Variants in SLC38A6 observed in about 807,000 individuals in gnomAD.
The protein encoded by SLC38A6 is N system amino acid transporter NAT-1.
A neutral mutation model predicts 65.0 loss-of-function variants in SLC38A6; 73 were observed. The observed-to-expected ratio is 1.12, with a 90% CI of 0.93 to 1.37. The LOEUF (loss-of-function observed/expected upper bound fraction) is 1.37, where lower values mean the gene tolerates loss of function less well. Ranked by LOEUF, SLC38A6 falls within the 40% of genes most tolerant of loss-of-function variation. The probability of loss-of-function intolerance (pLI) is 0.00; values close to 1 mark genes in which losing one functional copy is unlikely to be tolerated. For synonymous variants in SLC38A6, 183 were observed against 178.8 expected (o/e 1.02, Z -0.19); for missense variants, 561 against 531.1 (o/e 1.06, Z -0.55).
chr14:61,063,558 C>A (rs561227647), intron 15 of SLC38A6, among the ~76,000 whole-genome samples: 3 of 152,182 alleles, frequency 2.0e-5, no homozygotes. Flanking sequence ...AAATGTAATC[C>A]TACCCCAGTA....
At chr14:60,995,932 A>G (rs895469881) in intron 3 of SLC38A6, among the ~76,000 whole-genome samples, 9 of 152,218 alleles carry the variant, frequency 5.9e-5, no homozygotes, top group African/African-American at 1.4e-4. Context: ...ATGAATCTGT[A>G]TGATACTATA....
rs1349497934 is a variant in SLC38A6, at chr14:60,981,348, C to T, written c.71C>T (p.Ala24Val). The change falls in exon 1 of 16, where the codon GCG becomes GTG. Residue 24 changes from alanine to valine, a missense_variant. Ala to Val is a moderately conservative substitution (Grantham distance 64). Transcript: ENST00000267488. The part of the protein sequence containing the change: ...WYVSVQQPEE[A>V]EAEELSPLLS... ...GTCTCTGTCCAGCAGCCTGAAGAAGCGGAGGCCGAAGAGTTGAGTCCGTTG... is the reference window on the plus strand; with the variant it reads ...GTCTCTGTCCAGCAGCCTGAAGAAGTGGAGGCCGAAGAGTTGAGTCCGTTG... 1.9e-6 allele frequency: 3 copies of T among 1,609,604 alleles called. No homozygotes were observed. The highest frequency in any genetic ancestry group is 2.2e-5 in the South Asian group (2 of 89,850).
rs865869457 is a variant in SLC38A6, at chr14:61,069,318, A to G, written c.1291-9492A>G. Among the ~76,000 whole-genome samples the G allele has an allele frequency of 2.6e-5, 4 of 151,996 alleles. No homozygotes were observed. In the East Asian group the frequency reaches 5.8e-4, roughly 22 times the overall value. On this transcript the variant is annotated intron_variant, in intron 15 of 16. Transcript: ENST00000354886. ...GCTCAAGAACCTATAATGGCTCACT[A>G]CTACCCCCATTAATCCCAGATAATG...
At chr14:61,014,316 G>A (rs1488713846) in intron 3 of SLC38A6, among the ~76,000 whole-genome samples, 1 of 151,930 alleles carries the variant, frequency 6.6e-6, no homozygotes, top group East Asian at 1.9e-4. Flanking sequence ...TAACTTCTTT[G>A]CCATGGGTTC....
chr14:61,030,589 A>C, intron 6 of SLC38A6, 66 bp downstream of exon 6: 1 of 1,104,234 alleles, frequency 9.1e-7, no homozygotes, highest in Non-Finnish European at 1.3e-6. Context: ...ATTAAGCTGT[A>C]AATGGCAATA....
At chr14:61,055,106 C>T (rs12878149), downstream of SLC38A6, among the ~76,000 whole-genome samples, 683 of 63,214 alleles carry the variant, frequency 0.011, no homozygotes, top group Middle Eastern at 0.032. Context: ...AAGTCTTTTT[C>T]TTTTTTTTTT....
At chr14:61,073,683 T>A (rs2043303592) in intron 15 of SLC38A6, among the ~76,000 whole-genome samples, 1 of 152,168 alleles carries the variant, frequency 6.6e-6, no homozygotes. Context: ...AATATGCCCA[T>A]ATACCTACCA....
At chr14:61,030,242 T>G (rs2040873971) in intron 5 of SLC38A6, among the ~76,000 whole-genome samples, 1 of 150,152 alleles carries the variant, frequency 6.7e-6, no homozygotes, top group Non-Finnish European at 1.5e-5. Context: ...ACAATTGTTA[T>G]TCTTCTCTAC....
At chr14:61,054,313 C>T (rs2042631633), downstream of SLC38A6, among the ~76,000 whole-genome samples, 1 of 152,130 alleles carries the variant, frequency 6.6e-6, no homozygotes, top group Admixed American at 6.6e-5. Context: ...CATGTGATGC[C>T]TCCAGCTTTG....
intron 15 of SLC38A6, among the ~76,000 whole-genome samples, chr14:61,061,971 G>A (rs2042859959): frequency 6.6e-6 from 1 of 152,092 alleles, no homozygotes; most frequent in Non-Finnish European, 1.5e-5. Flanking sequence ...CCCAGTAGCT[G>A]GGATTACAGG....
intron 16 of SLC38A6, among the ~76,000 whole-genome samples, chr14:61,081,929 T>G (rs2043668114): frequency 6.6e-6 from 1 of 152,130 alleles, no homozygotes; most frequent in South Asian, 2.1e-4. Context: ...TACTACATTT[T>G]CTGTGGAACG....
At chr14:61,026,037 C>T (rs1286910962) in intron 5 of SLC38A6, among the ~76,000 whole-genome samples, 4 of 152,142 alleles carry the variant, frequency 2.6e-5, no homozygotes, top group Non-Finnish European at 5.9e-5. Flanking sequence ...TTAAAAATAG[C>T]TGTAAGTAAT....
chr14:60,982,248 G>A (rs991046616), intron 1 of SLC38A6: 1 of 521,764 alleles, frequency 1.9e-6, no homozygotes, highest in Non-Finnish European at 3.7e-6. Flanking sequence ...CACAAGGTTA[G>A]TCATGGCCCT....
rs10139651 is a variant in SLC38A6 at position 61,052,586 on chromosome 14, G to A, written c.*157G>A. 0.96 allele frequency: 994,927 copies of A among 1,034,966 alleles called. 480,423 individuals are homozygous for A. The highest frequency in any genetic ancestry group is 0.99 in the Non-Finnish European group (773,228 of 783,504). The allele number at this position is 1,034,966 out of a possible 1,614,324, so 64.1% of individuals were successfully genotyped here. On this transcript the variant is annotated 3_prime_UTR_variant, in exon 16 of 16. Transcript: ENST00000267488. ...AGTGGGTATGGGGAAGTAAGAGTGT[G>A]GCAGTTTTAATCAAAAAAAGAAACA...
intron 6 of SLC38A6, among the ~76,000 whole-genome samples, chr14:61,032,447 T>G (rs1335210694): frequency 3.9e-5 from 6 of 151,922 alleles, no homozygotes; most frequent in African/African-American, 1.4e-4. Flanking sequence ...GCATTGATTT[T>G]TTTGTTTTTT....
At chr14:61,007,200 C>T (rs2039198971) in intron 3 of SLC38A6, among the ~76,000 whole-genome samples, 1 of 152,064 alleles carries the variant, frequency 6.6e-6, no homozygotes, top group African/African-American at 2.4e-5. Flanking sequence ...AGAGGGATAG[C>T]ATTAGGAGAT....
At chr14:61,034,988 CAT>C (rs1488143565) in intron 6 of SLC38A6, among the ~76,000 whole-genome samples, 1 of 152,112 alleles carries the variant, frequency 6.6e-6, no homozygotes, top group African/African-American at 2.4e-5. Context: ...GGTTGAAATC[CAT>C]GTAGAAGACC....
intron 15 of SLC38A6, among the ~76,000 whole-genome samples, chr14:61,072,392 T>C (rs1416336285): frequency 1.3e-5 from 2 of 152,190 alleles, no homozygotes; most frequent in East Asian, 3.8e-4. Context: ...AATCCAATTA[T>C]ACTTAGTTAT....
At chr14:60,982,449 T>C (rs2296923) in intron 1 of SLC38A6, 59 bp from the exon 2 acceptor site, 1,506,578 of 1,573,182 alleles carry the variant, frequency 0.96, 725,211 homozygotes, top group Non-Finnish European at 0.99. Flanking sequence ...GGAATTTCTT[T>C]ACGAAATTTT....
Sources: allele counts gnomAD v4.1 joint callset (sites outside exome capture counted in the v4.1 genomes callset), GRCh38; gene constraint gnomAD v4.1.1; transcripts MANE v1.5; gene names NCBI Gene and HGNC (gene_info 2026-07-23, HGNC 2026-07-21).